The following TRPM7 variants were observed in gnomAD, a reference collection of about 807,000 sequenced individuals.
The protein encoded by TRPM7 is LTRPC ion channel family member 7.
A neutral mutation model predicts 229.7 loss-of-function variants in TRPM7; 134 were observed. The ratio of observed to expected loss-of-function variants is 0.58; its 90% CI spans 0.51 to 0.67. The LOEUF (loss-of-function observed/expected upper bound fraction) is 0.67. Ranked by LOEUF, TRPM7 falls within the 30% of genes least tolerant of loss-of-function variation. The pLI is 0.00. For synonymous variants in TRPM7, 699 were observed against 715.2 expected, an observed-to-expected ratio of 0.98 and a Z score of 0.36; for missense variants, 1,901 against 2,210.0, an observed-to-expected ratio of 0.86 and a Z score of 2.80.
At chr15:50,607,000 G>A (rs565364307) in intron 20 of TRPM7, among the ~76,000 whole-genome samples, 200 bp downstream of exon 20, 73 of 152,042 alleles carry the variant, frequency 4.8e-4, no homozygotes, top group Non-Finnish European at 8.2e-4. Flanking sequence ...TATCTGTAAT[G>A]GCAACAAAGT....
Position 50,592,300 on chromosome 15 carries a change from G to A in TRPM7, c.3935C>T (p.Pro1312Leu). 1 of 1,613,730 alleles carries A rather than the reference G, an allele frequency of 6.2e-7. No individual in the cohort carries two copies. Among genetic ancestry groups the A allele is most frequent in the South Asian group, 1.1e-5 (1 of 91,052 alleles). ...LPQGDLESNNPFHCNILMKDD... is the reference protein window; with the variant it reads ...LPQGDLESNNLFHCNILMKDD... The stretch of plus-strand genomic sequence containing the variant: ...TTTCATTAAAATATTACAATGAAAA[G>A]GATTATTACTTTCAAGATCACCTTG... The change falls in exon 26 of 39, where the codon CCT becomes CTT. Residue 1312 changes from proline (P) to leucine (L), a missense_variant. Physicochemically the swap from Pro to Leu is moderately conservative, Grantham distance 98 (BLOSUM62 -3). Around this residue, in one of 8 missense-constraint regions of TRPM7, gnomAD observed 533 missense variants for 497.1 expected, o/e 1.07. Transcript: ENST00000646667.
chr15:50,583,541 G>A (rs1188254429), intron 28 of TRPM7, among the ~76,000 whole-genome samples: 1 of 151,616 alleles, frequency 6.6e-6, no homozygotes, highest in Non-Finnish European at 1.5e-5. Context: ...ATATATGTCT[G>A]GAGGGTTTTG....
chr15:50,685,998 T>C (rs1240904790), intron 1 of TRPM7, among the ~76,000 whole-genome samples: 2 of 152,220 alleles, frequency 1.3e-5, no homozygotes, highest in Non-Finnish European at 2.9e-5. Context: ...AAAGGAAATG[T>C]ACCTGTAGAG....
At position 50,657,815 on chromosome 15, in the gene TRPM7, G is replaced by C. The variant is rs1479697273; in HGVS notation, c.88C>G (p.Leu30Val). ...TGCTGACAAATTTGACATCCTGGAA[G>C]GCATCTATTGAACACAAAAAGGTAA... ...IPSSKDPHRC[L>V]PGCQICQQLV... Residue 30 changes from leucine (L) to valine (V), a missense_variant, in exon 3 of 39, where the codon CTT (leucine) becomes GTT (valine). By Grantham distance (32) the Leu-to-Val change is conservative. Coordinates refer to ENST00000646667, the MANE Select transcript of TRPM7 (RefSeq NM_017672.6). The C allele has an allele frequency of 6.8e-6, 11 of 1,610,906 alleles. No individual in the cohort carries two copies. The highest frequency in any genetic ancestry group is 1.7e-5 in the Admixed American group (1 of 59,954).
intron 2 of TRPM7, among the ~76,000 whole-genome samples, chr15:50,658,551 G>C (rs560779207): frequency 4.1e-5 from 6 of 146,828 alleles, no homozygotes; most frequent in Non-Finnish European, 7.4e-5. Context: ...CAGCCTGGGC[G>C]AAAGAGCGAG....
chr15:50,632,919 CT>C lies in TRPM7; in HGVS notation c.1080del (p.Ala361HisfsTer8). On this transcript the variant is annotated frameshift_variant, in exon 9 of 39. Transcript: ENST00000646667. LOFTEE classifies it high-confidence loss of function. ...IKKTFNFGQN[E>X]ALHLFQTLME... Reference sequence around the variant, plus strand: ...ATCAGTGTTTGAAATAAATGAAGTGCTTCATTCTGGCCAAAGTTAAATGTTT... The same window carrying C: ...ATCAGTGTTTGAAATAAATGAAGTGCTCATTCTGGCCAAAGTTAAATGTTT... The C allele has an allele frequency of 6.2e-7, 1 of 1,600,712 alleles. No homozygotes were observed. Among genetic ancestry groups the C allele is most frequent in the Non-Finnish European group, 8.5e-7 (1 of 1,174,962 alleles).
chr15:50,612,242 C>A (rs1567007250), intron 16 of TRPM7, among the ~76,000 whole-genome samples: 1 of 152,142 alleles, frequency 6.6e-6, no homozygotes, highest in African/African-American at 2.4e-5. Flanking sequence ...AGACAAGTAC[C>A]ACCACACCCA....
chr15:50,630,050 C>T (rs1053211141), intron 10 of TRPM7, among the ~76,000 whole-genome samples: 3 of 151,840 alleles, frequency 2.0e-5, no homozygotes, highest in Admixed American at 1.3e-4. Context: ...TTAGTAGAGA[C>T]GAGGTTTCGC....
Position 50,592,022 on chromosome 15 carries a change from T to A in TRPM7, c.4213A>T (p.Thr1405Ser). 1 of 1,613,556 alleles carries A rather than the reference T, an allele frequency of 6.2e-7. No individual in the cohort carries two copies. Among genetic ancestry groups the A allele is most frequent in the Non-Finnish European group, 8.5e-7 (1 of 1,179,782 alleles). The change falls in exon 26 of 39, where the codon ACA becomes TCA. Residue 1405 changes from threonine to serine, a missense_variant. Transcript: ENST00000646667. The part of the protein sequence containing the change: ...SSPPTKFFVS[T>S]PSQPSCKSHL... ...CTTTTGCAACTTGGCTGAGATGGTG[T>A]ACTAACAAAAAATTTGGTTGGTGGG...
intron 13 of TRPM7, among the ~76,000 whole-genome samples, chr15:50,617,175 T>TA (rs1555416350): frequency 4.6e-5 from 6 of 129,108 alleles, no homozygotes; most frequent in Non-Finnish European, 8.3e-5. Flanking sequence ...AATAAATAAA[T>TA]AAATAAAATA....
intron 19 of TRPM7, 56 bp downstream of exon 19, chr15:50,609,525 G>A: frequency 6.7e-7 from 1 of 1,498,900 alleles, no homozygotes. Context: ...CCGAACCAAT[G>A]GTCCCCCAAA....
At chr15:50,659,390 AAAGCAC>A (rs141217763) in intron 2 of TRPM7, among the ~76,000 whole-genome samples, 153 of 152,298 alleles carry the variant, frequency 1.0e-3, no homozygotes, top group East Asian at 9.1e-3. Context: ...ACTTATAGCT[AAAGCAC>A]AGTACTGGAA....
intron 4 of TRPM7, among the ~76,000 whole-genome samples, chr15:50,647,123 T>A (rs1033451756): frequency 2.0e-5 from 3 of 152,222 alleles, no homozygotes; most frequent in African/African-American, 7.2e-5. Flanking sequence ...CATTATCACA[T>A]TTATTATAGT....
chr15:50,634,367 T>G lies in TRPM7; in HGVS notation c.1007+15A>C. Reference sequence around the variant, plus strand: ...TAAATAAATAAAATTAATTAAAATGTTGTCATACACTTACCCTCCTTCTTC... The same window carrying G: ...TAAATAAATAAAATTAATTAAAATGGTGTCATACACTTACCCTCCTTCTTC... On this transcript the variant is annotated intron_variant, in intron 8 of 38. Coordinates refer to ENST00000646667, the MANE Select transcript of TRPM7 (RefSeq NM_017672.6). 1 of 1,476,462 alleles carries G rather than the reference T, an allele frequency of 6.8e-7. No individual in the cohort carries two copies. The highest frequency in any genetic ancestry group is 1.5e-5 in the South Asian group (1 of 66,930). The allele number at this position is 1,476,462 out of a possible 1,614,324, so 91.5% of individuals were successfully genotyped here.
chr15:50,683,244 A>C (rs1010743180), intron 1 of TRPM7, among the ~76,000 whole-genome samples: 1 of 151,978 alleles, frequency 6.6e-6, no homozygotes, highest in Non-Finnish European at 1.5e-5. Flanking sequence ...AAAAAAAAAA[A>C]ACTGCAATTT....
chr15:50,570,604 C>T (rs1402789238), intron 36 of TRPM7, among the ~76,000 whole-genome samples: 1 of 145,662 alleles, frequency 6.9e-6, no homozygotes, highest in African/African-American at 2.5e-5. Flanking sequence ...GCACTTTGGG[C>T]GGCCAAGGCG....
intron 38 of TRPM7, among the ~76,000 whole-genome samples, chr15:50,564,553 A>AT (rs1370213959): frequency 2.0e-5 from 3 of 151,918 alleles, no homozygotes; most frequent in South Asian, 2.1e-4. Context: ...GTATGTTTTT[A>AT]TTTTTTTAAA....
chr15:50,631,341 C>A (rs370381634), intron 10 of TRPM7, 76 bp downstream of exon 10: 1 of 759,910 alleles, frequency 1.3e-6, no homozygotes. Context: ...TATACATACA[C>A]ATATACACAC....
chr15:50,648,561 C>A (rs1013859000), intron 4 of TRPM7, 126 bp downstream of exon 4: 6 of 722,928 alleles, frequency 8.3e-6, no homozygotes, highest in Non-Finnish European at 1.3e-5. Context: ...TTTGTATGCA[C>A]CTTTGTACTT....
Sources: allele counts gnomAD v4.1 joint callset (sites outside exome capture counted in the v4.1 genomes callset), GRCh38; gene constraint gnomAD v4.1.1; regional missense constraint gnomAD v4.1.1; transcripts MANE v1.5; gene names NCBI Gene and HGNC (gene_info 2026-07-23, HGNC 2026-07-21).